FCHSD2: variants seen among roughly 807,000 people sequenced by gnomAD.
The protein encoded by FCHSD2 is F-BAR and double SH3 domains protein 2.
Under a neutral mutation model 108.1 loss-of-function variants are expected in FCHSD2, and 38 were observed. That is an observed-to-expected ratio of 0.35 (90% CI 0.27 to 0.46). FCHSD2 has a LOEUF of 0.46. Among genes scored for constraint, FCHSD2 ranks in the 20% least tolerant of loss-of-function variants. FCHSD2 has a pLI of 1.00. For missense variants in FCHSD2, 751 were observed against 897.8 expected, an observed-to-expected ratio of 0.84 and a Z score of 2.09; for synonymous variants, 279 against 314.7, an observed-to-expected ratio of 0.89 and a Z score of 1.20.
chr11:72,923,083 A>G (rs1856005923), intron 8 of FCHSD2, among the ~76,000 whole-genome samples: 1 of 152,174 alleles, frequency 6.6e-6, no homozygotes, highest in South Asian at 2.1e-4. Flanking sequence ...GCCCAGCATA[A>G]TATTTTCAAG....
chr11:73,134,239 G>A (rs1339639426), intron 2 of FCHSD2, among the ~76,000 whole-genome samples: 1 of 152,106 alleles, frequency 6.6e-6, no homozygotes, highest in Non-Finnish European at 1.5e-5. Flanking sequence ...GGGAGGTCAA[G>A]GTGGGAGGAT....
At chr11:72,867,716 T>A (rs1330727899) in intron 13 of FCHSD2, 149 bp downstream of exon 13, 1 of 620,720 alleles carries the variant, frequency 1.6e-6, no homozygotes, top group South Asian at 2.6e-5. Context: ...TAATTTTAAA[T>A]CAATTAGTGA....
chr11:72,850,858 G>A (rs1861268052), intron 13 of FCHSD2, among the ~76,000 whole-genome samples: 1 of 151,766 alleles, frequency 6.6e-6, no homozygotes, highest in Admixed American at 6.6e-5. Context: ...GGGAGGCCAA[G>A]GTAGGTGGAT....
chr11:73,069,093 C>G (rs1859370138), intron 3 of FCHSD2, among the ~76,000 whole-genome samples: 1 of 151,008 alleles, frequency 6.6e-6, no homozygotes, highest in Admixed American at 6.6e-5. Context: ...GGCTAATCAC[C>G]TGAGGTCAGG....
At chr11:73,127,001 G>A (rs1163799193) in intron 2 of FCHSD2, among the ~76,000 whole-genome samples, 2 of 152,220 alleles carry the variant, frequency 1.3e-5, no homozygotes, top group Non-Finnish European at 2.9e-5. Context: ...TTGCACCACT[G>A]TGCTCCAGCC....
At chr11:73,045,124 T>C (rs950541340) in intron 3 of FCHSD2, among the ~76,000 whole-genome samples, 21 of 151,026 alleles carry the variant, frequency 1.4e-4, no homozygotes, top group South Asian at 2.1e-4. Flanking sequence ...AACAGACACT[T>C]CTCAAAAGAA....
intron 9 of FCHSD2, among the ~76,000 whole-genome samples, chr11:72,911,040 T>G (rs965343036): frequency 3.9e-5 from 6 of 152,224 alleles, no homozygotes; most frequent in African/African-American, 1.4e-4. Context: ...TGCCTGTGCT[T>G]GCAGGGTATT....
chr11:73,090,958 C>A lies in FCHSD2; in HGVS notation c.120-7218G>T, dbSNP rs1162579603. ...TTCTCCTCCCCTGTCAACTACTAAT[C>A]TAATTTTTTGTCTCTACAAATTTGC... is the stretch of plus-strand genomic sequence containing the variant. On this transcript the variant is annotated intron_variant, in intron 2 of 19. Transcript: ENST00000409418. Among the ~76,000 whole-genome samples the A allele has an allele frequency of 2.0e-5, 3 of 152,158 alleles. No individual in the cohort carries two copies. In the East Asian group the frequency reaches 5.8e-4, roughly 29 times the overall value.
At position 73,023,031 on chromosome 11, in the gene FCHSD2, C is replaced by G. The variant is rs148468971; in HGVS notation, c.166-7146G>C. On this transcript the variant is annotated intron_variant, in intron 3 of 19. Transcript: ENST00000409418. ...ACAAAAACCCTTGACACATACCTCA[C>G]GAGTTACACAAAAATTGGCTCAAAA... Among the ~76,000 whole-genome samples the G allele has an allele frequency of 3.1e-3, 468 of 152,166 alleles. 1 individual carries two copies. Among genetic ancestry groups the G allele is most frequent in the African/African-American group, 0.011 (448 of 41,522 alleles).
intron 3 of FCHSD2, among the ~76,000 whole-genome samples, chr11:73,026,214 A>G (rs1858225760): frequency 1.3e-5 from 2 of 152,130 alleles, no homozygotes; most frequent in African/African-American, 4.8e-5. Context: ...CCTGGGCTCA[A>G]GCAGTCCACC....
At chr11:72,936,463 C>A (rs553592776) in intron 8 of FCHSD2, among the ~76,000 whole-genome samples, 4 of 152,244 alleles carry the variant, frequency 2.6e-5, no homozygotes, top group Middle Eastern at 3.4e-3. Context: ...TGGGAATTAT[C>A]AGTGTGATTT....
chr11:73,022,845 G>A (rs997683280), intron 3 of FCHSD2, among the ~76,000 whole-genome samples: 2 of 152,104 alleles, frequency 1.3e-5, no homozygotes, highest in East Asian at 3.8e-4. Context: ...AGAATGGACA[G>A]ATAGATCAGT....
At chr11:72,958,378 C>G (rs1054562271) in intron 8 of FCHSD2, among the ~76,000 whole-genome samples, 2 of 152,026 alleles carry the variant, frequency 1.3e-5, no homozygotes, top group African/African-American at 4.8e-5. Context: ...ATTAGCTGGG[C>G]ATGGTGGTGC....
intron 13 of FCHSD2, among the ~76,000 whole-genome samples, chr11:72,858,956 GAAAC>G (rs911937238): frequency 1.3e-5 from 2 of 152,170 alleles, no homozygotes; most frequent in African/African-American, 2.4e-5. Flanking sequence ...TGGGGGATGG[GAAAC>G]AAACAAACTC....
intron 8 of FCHSD2, among the ~76,000 whole-genome samples, chr11:72,960,071 A>G (rs1046580036): frequency 2.0e-5 from 3 of 152,150 alleles, no homozygotes; most frequent in African/African-American, 7.2e-5. Context: ...GTCTATAAAG[A>G]AAAAAGGTTT....
chr11:72,895,574 G>T (rs1855401133), intron 10 of FCHSD2, among the ~76,000 whole-genome samples: 2 of 152,084 alleles, frequency 1.3e-5, no homozygotes, highest in Admixed American at 1.3e-4. Context: ...CATAACTAAT[G>T]CGTCTATGCA....
At chr11:73,000,196 T>C (rs1248446388) in intron 5 of FCHSD2, among the ~76,000 whole-genome samples, 1 of 152,184 alleles carries the variant, frequency 6.6e-6, no homozygotes, top group Non-Finnish European at 1.5e-5. Context: ...TAATGACAAT[T>C]AGAATCAAAA....
chr11:72,986,766 G>A (rs1175988562), intron 6 of FCHSD2, among the ~76,000 whole-genome samples: 2 of 152,066 alleles, frequency 1.3e-5, no homozygotes, highest in African/African-American at 4.8e-5. Context: ...GTAGGTATTA[G>A]TGATAGATAG....
Position 73,071,535 on chromosome 11 carries a change from CA to C in FCHSD2, c.165+12159del, listed in dbSNP as rs1038388058. On this transcript the variant is annotated intron_variant, in intron 3 of 19. Coordinates refer to ENST00000409418, the MANE Select transcript of FCHSD2 (RefSeq NM_014824.3). ...TGAAACCCTGTTTCTACTAAAAATACAAAAAAAAAAAAAAAATTAGCTGGGC... is the reference window on the plus strand; with the variant it reads ...TGAAACCCTGTTTCTACTAAAAATACAAAAAAAAAAAAAAATTAGCTGGGC... Among the ~76,000 whole-genome samples, 1,280 of 130,760 alleles carry C rather than the reference CA, an allele frequency of 9.8e-3. 4 individuals carry two copies. The highest frequency in any genetic ancestry group is 0.027 in the African/African-American group (933 of 33,936). 85.8% of individuals were successfully genotyped at this position (130,760 alleles called of 152,430 possible).
Sources: gnomAD v4.1 joint callset for allele counts (sites outside exome capture counted in the v4.1 genomes callset) on GRCh38, gnomAD v4.1.1 for gene constraint, MANE v1.5 for transcripts, NCBI Gene and HGNC (gene_info 2026-07-23, HGNC 2026-07-21) for gene names.